CSMD1: variants seen among roughly 807,000 people sequenced by gnomAD.
CSMD1 encodes CUB and sushi domain-containing protein 1.
CSMD1 carries 213 observed loss-of-function variants against 417.5 expected under a neutral mutation model. The ratio of observed to expected loss-of-function variants is 0.51; its 90% CI spans 0.46 to 0.57. The LOEUF is 0.57. CSMD1 is among the 20% of genes least tolerant of loss of function. CSMD1 has a pLI of 0.00. For missense variants in CSMD1, 6,923 were observed against 4,529.7 expected (o/e 1.53, Z -15.17); for synonymous variants, 2,862 against 1,736.8 (o/e 1.65, Z -16.11).
chr8:4,099,138 T>C lies in CSMD1; in HGVS notation c.416-67039A>G, dbSNP rs76362608. 2.6e-4 allele frequency among the ~76,000 whole-genome samples: 40 copies of C among 152,040 alleles called. 1 individual carries two copies. The East Asian group carries it at 7.7e-3, about 29-fold the overall frequency. The stretch of plus-strand genomic sequence containing the variant: ...ATCTCTGCTACCAGTGGATTCCTTC[T>C]TTCAGGCCCCAACCATGCATATGTC... On this transcript the variant is annotated intron_variant, in intron 3 of 69. Coordinates refer to ENST00000635120, the MANE Select transcript of CSMD1 (RefSeq NM_033225.6).
chr8:4,400,731 G>C (rs1585017463), intron 3 of CSMD1, among the ~76,000 whole-genome samples: 1 of 143,318 alleles, frequency 7.0e-6, no homozygotes, highest in Admixed American at 7.0e-5. Context: ...GTTTCTAAGA[G>C]TTTCTCTCTA....
chr8:3,154,734 G>T (rs1338743766), intron 39 of CSMD1, among the ~76,000 whole-genome samples: 1 of 152,110 alleles, frequency 6.6e-6, no homozygotes, highest in Non-Finnish European at 1.5e-5. Flanking sequence ...AGTCAATACT[G>T]GTTAAATTCT....
intron 5 of CSMD1, among the ~76,000 whole-genome samples, chr8:3,830,641 A>G (rs1328435133): frequency 6.6e-6 from 1 of 152,188 alleles, no homozygotes; most frequent in Non-Finnish European, 1.5e-5. Context: ...TGCCATGGCC[A>G]ATATCAATGT....
At chr8:4,606,936 G>C (rs1429366346) in intron 2 of CSMD1, among the ~76,000 whole-genome samples, 1 of 152,132 alleles carries the variant, frequency 6.6e-6, no homozygotes, top group Non-Finnish European at 1.5e-5. Context: ...TACATGAGTA[G>C]ATATAATTCA....
chr8:4,288,260 T>C (rs1797169694), intron 3 of CSMD1, among the ~76,000 whole-genome samples: 1 of 152,174 alleles, frequency 6.6e-6, no homozygotes, highest in Admixed American at 6.6e-5. Flanking sequence ...GTTTCTGACA[T>C]GCCCCCACTG....
chr8:4,983,229 G>C (rs1309454845), intron 1 of CSMD1, among the ~76,000 whole-genome samples: 1 of 152,162 alleles, frequency 6.6e-6, no homozygotes, highest in Non-Finnish European at 1.5e-5. Context: ...CAATAAGCAG[G>C]CACAGTGACT....
intron 1 of CSMD1, among the ~76,000 whole-genome samples, chr8:4,773,921 T>G (rs1170557176): frequency 1.3e-5 from 2 of 152,190 alleles, no homozygotes; most frequent in Non-Finnish European, 2.9e-5. Flanking sequence ...CTTGGCTGGG[T>G]GCAGTGGCTC....
intron 5 of CSMD1, among the ~76,000 whole-genome samples, chr8:3,842,929 G>A (rs1803229148): frequency 6.6e-6 from 1 of 152,114 alleles, no homozygotes; most frequent in Non-Finnish European, 1.5e-5. Flanking sequence ...CACTGAAGAT[G>A]TTCCTAGAAT....
chr8:4,507,543 T>A (rs1347511701), intron 2 of CSMD1, among the ~76,000 whole-genome samples: 55 of 152,136 alleles, frequency 3.6e-4, no homozygotes, highest in Non-Finnish European at 4.4e-5. Context: ...GACATAGAAG[T>A]ATTCAATTCT....
At chr8:4,880,848 T>A (rs754724543) in intron 1 of CSMD1, among the ~76,000 whole-genome samples, 3 of 152,166 alleles carry the variant, frequency 2.0e-5, no homozygotes, top group Admixed American at 6.5e-5. Flanking sequence ...GAAAGGTCCC[T>A]GATCTAAGCT....
intron 5 of CSMD1, among the ~76,000 whole-genome samples, chr8:3,943,446 A>C (rs1396761833): frequency 6.7e-6 from 1 of 148,278 alleles, no homozygotes; most frequent in Non-Finnish European, 1.5e-5. Context: ...ACAGAATTCC[A>C]GCAATTGTTT....
At chr8:4,590,288 C>G (rs1157026130) in intron 2 of CSMD1, among the ~76,000 whole-genome samples, 1 of 151,862 alleles carries the variant, frequency 6.6e-6, no homozygotes, top group Non-Finnish European at 1.5e-5. Flanking sequence ...CAGAAAAGTT[C>G]TGGGAAGCAG....
At chr8:3,065,303 G>GTAGATAGATAGA (rs78833976) in intron 49 of CSMD1, among the ~76,000 whole-genome samples, 1 of 149,278 alleles carries the variant, frequency 6.7e-6, no homozygotes, top group Admixed American at 6.6e-5. Flanking sequence ...AGATAGATAG[G>GTAGATAGATAGA]TAGATAGATA....
intron 3 of CSMD1, among the ~76,000 whole-genome samples, chr8:4,275,312 G>T (rs1796420248): frequency 6.6e-6 from 1 of 152,136 alleles, no homozygotes; most frequent in Non-Finnish European, 1.5e-5. Flanking sequence ...TGTAAGGTCA[G>T]AAGGTATAAA....
At chr8:3,554,535 C>G (rs1246823311) in intron 10 of CSMD1, among the ~76,000 whole-genome samples, 1 of 152,140 alleles carries the variant, frequency 6.6e-6, no homozygotes, top group Admixed American at 6.5e-5. Context: ...ATAATTGGTA[C>G]CCCCAGCTCC....
intron 6 of CSMD1, among the ~76,000 whole-genome samples, chr8:3,721,957 C>T (rs1239694208): frequency 1.3e-5 from 2 of 152,174 alleles, no homozygotes; most frequent in African/African-American, 4.8e-5. Flanking sequence ...AGGCCGTCCT[C>T]ATCCCTCACC....
intron 68 of CSMD1, among the ~76,000 whole-genome samples, chr8:2,944,826 T>C (rs1802109250): frequency 7.1e-6 from 1 of 141,778 alleles, no homozygotes; most frequent in African/African-American, 2.5e-5. Context: ...ATGTGTATTC[T>C]ACTTACATTA....
intron 2 of CSMD1, among the ~76,000 whole-genome samples, chr8:4,523,652 G>C (rs538767912): frequency 6.6e-6 from 1 of 152,202 alleles, no homozygotes; most frequent in African/African-American, 2.4e-5. Context: ...GGGGCCTGAA[G>C]GCAACTCTAA....
chr8:4,264,833 G>A (rs1423422324), intron 3 of CSMD1, among the ~76,000 whole-genome samples: 1 of 152,144 alleles, frequency 6.6e-6, no homozygotes, highest in Non-Finnish European at 1.5e-5. Flanking sequence ...ATAAACTAAG[G>A]ATAATTTCAA....
Sources: gnomAD v4.1 joint callset for allele counts (sites outside exome capture counted in the v4.1 genomes callset) on GRCh38, gnomAD v4.1.1 for gene constraint, MANE v1.5 for transcripts, NCBI Gene and HGNC (gene_info 2026-07-23, HGNC 2026-07-21) for gene names.